Variants in SUCLG2 observed in about 807,000 individuals in gnomAD.
SUCLG2 encodes succinate--CoA ligase [GDP-forming] subunit beta, mitochondrial.
In SUCLG2, 42 loss-of-function variants were observed where a neutral mutation model predicts 47.9. The observed-to-expected ratio is 0.88, with a 90% CI of 0.69 to 1.14. The LOEUF (loss-of-function observed/expected upper bound fraction) is 1.14, where lower values mean the gene tolerates loss of function less well. Among genes scored for constraint, SUCLG2 ranks in the 50% most tolerant of loss-of-function variants. The pLI, the probability that SUCLG2 is intolerant of heterozygous loss-of-function variation, is 0.00. For missense variants in SUCLG2, 571 were observed against 525.9 expected (o/e 1.09, Z -0.84); for synonymous variants, 195 against 197.3 (o/e 0.99, Z 0.10).
chr3:67,519,970 T>G (rs558332826), intron 5 of SUCLG2, among the ~76,000 whole-genome samples: 1 of 152,106 alleles, frequency 6.6e-6, no homozygotes, highest in Non-Finnish European at 1.5e-5. Flanking sequence ...TATCAATAAA[T>G]GAGTCAAGAT....
At chr3:67,606,454 TAAGAA>T (rs1408869338) in intron 2 of SUCLG2, among the ~76,000 whole-genome samples, 3 of 152,188 alleles carry the variant, frequency 2.0e-5, no homozygotes, top group African/African-American at 7.2e-5. Context: ...TCACTGTATT[TAAGAA>T]AATAATGGGG....
rs762913452 is a variant in SUCLG2 at position 67,520,498 on chromosome 3, G to A, written c.554C>T (p.Pro185Leu). ...TAAACATACCTTAAAAATGAGCTCC[G>A]GGTTTGAAGCAGCCACCTCTTCAAT... ...VDIEEVAASNPELIFKEQIDI... is the reference protein window; with the variant it reads ...VDIEEVAASNLELIFKEQIDI... The change falls in exon 5 of 11, where the codon CCG becomes CTG. Residue 185 changes from proline to leucine, a missense_variant. Coordinates refer to ENST00000307227, the MANE Select transcript of SUCLG2 (RefSeq NM_003848.4). 20 of 1,614,022 alleles carry A rather than the reference G, an allele frequency of 1.2e-5. No homozygotes were observed. Among genetic ancestry groups the A allele is most frequent in the East Asian group, 1.1e-4 (5 of 44,870 alleles).
downstream of SUCLG2, among the ~76,000 whole-genome samples, chr3:67,370,511 T>A (rs1701938385): frequency 6.6e-6 from 1 of 152,146 alleles, no homozygotes. Flanking sequence ...ACCCAACCAA[T>A]ACTTTTATTA....
intron 2 of SUCLG2, among the ~76,000 whole-genome samples, chr3:67,550,564 C>T (rs1306102173): frequency 6.6e-6 from 1 of 152,088 alleles, no homozygotes; most frequent in Non-Finnish European, 1.5e-5. Context: ...CCAGGCTGGC[C>T]TCAAACTCCT....
At chr3:67,443,996 A>T (rs1290314885) in intron 9 of SUCLG2, among the ~76,000 whole-genome samples, 1 of 91,162 alleles carries the variant, frequency 1.1e-5, no homozygotes, top group African/African-American at 3.7e-5. Context: ...CAGCCGCCCC[A>T]TCCGGGAGGG....
At chr3:67,622,408 GA>G (rs550696535) in intron 1 of SUCLG2, among the ~76,000 whole-genome samples, 2 of 152,314 alleles carry the variant, frequency 1.3e-5, no homozygotes, top group East Asian at 1.9e-4. Flanking sequence ...TAAAGGGTCA[GA>G]AGGGATCATG....
rs776845710 is a variant in SUCLG2, at chr3:67,454,292, AT to A, written c.1062+41505del. On this transcript the variant is annotated intron_variant, in intron 9 of 10. Transcript: ENST00000307227. ...ATAGAGTAATTGTTGAATAAATAAT[AT>A]GAAAAATTGGTTTGAGATCCAGGAA... Among the ~76,000 whole-genome samples, 421 of 152,286 alleles carry A rather than the reference AT, an allele frequency of 2.8e-3. 2 individuals carry two copies. Among genetic ancestry groups the A allele is most frequent in the Non-Finnish European group, 3.8e-3 (259 of 68,026 alleles).
At chr3:67,532,411 C>G (rs1032211762) in intron 2 of SUCLG2, among the ~76,000 whole-genome samples, 8 of 152,162 alleles carry the variant, frequency 5.3e-5, no homozygotes, top group African/African-American at 1.7e-4. Flanking sequence ...GCTAGGATTA[C>G]AGGCATAAAA....
chr3:67,642,020 G>A (rs905572234), intron 1 of SUCLG2, among the ~76,000 whole-genome samples: 3 of 152,122 alleles, frequency 2.0e-5, no homozygotes, highest in East Asian at 1.9e-4. Flanking sequence ...TTGAATTAGG[G>A]CCCTCCCTAA....
intron 2 of SUCLG2, among the ~76,000 whole-genome samples, chr3:67,569,464 G>A (rs1707553468): frequency 6.6e-6 from 1 of 152,220 alleles, no homozygotes; most frequent in African/African-American, 2.4e-5. Flanking sequence ...CATGGCTGCT[G>A]CCCAAGTGGA....
intron 1 of SUCLG2, among the ~76,000 whole-genome samples, chr3:67,630,567 A>G (rs899804397): frequency 4.6e-5 from 7 of 152,242 alleles, no homozygotes; most frequent in African/African-American, 1.7e-4. Flanking sequence ...TGTGCCAAGC[A>G]CCTTATGTAT....
rs139587406 is a variant in SUCLG2 at position 67,520,429 on chromosome 3, A to G, written c.570+53T>C. 9.7e-4 allele frequency: 1,557 copies of G among 1,611,718 alleles called. 16 individuals carry two copies. In the African/African-American group the frequency reaches 0.019, roughly 20 times the overall value. ...TTAGACTCCCCATTAAATATTTAAC[A>G]GCTTCTACAATAACAATCAATTAAT... is the stretch of plus-strand genomic sequence containing the variant. On this transcript the variant is annotated intron_variant, in intron 5 of 10. Coordinates refer to ENST00000307227, the MANE Select transcript of SUCLG2 (RefSeq NM_003848.4).
At chr3:67,651,906 T>G (rs1352686355) in intron 1 of SUCLG2, among the ~76,000 whole-genome samples, 1 of 152,144 alleles carries the variant, frequency 6.6e-6, no homozygotes, top group East Asian at 1.9e-4. Flanking sequence ...AATCTGTCAT[T>G]GGCTGAAATC....
intron 5 of SUCLG2, among the ~76,000 whole-genome samples, chr3:67,519,279 C>T (rs7624455): frequency 0.68 from 102,961 of 152,036 alleles, 35,107 homozygotes; most frequent in Middle Eastern, 0.76. Context: ...CCAGGGTGGG[C>T]TCTTACCTTG....
At chr3:67,523,026 G>A (rs1575753149) in intron 4 of SUCLG2, among the ~76,000 whole-genome samples, 1 of 152,124 alleles carries the variant, frequency 6.6e-6, no homozygotes, top group East Asian at 1.9e-4. Flanking sequence ...CTGACCTCGT[G>A]ATTCGCCCAC....
chr3:67,481,406 C>T (rs760685201), intron 9 of SUCLG2, among the ~76,000 whole-genome samples: 5 of 152,176 alleles, frequency 3.3e-5, no homozygotes, highest in East Asian at 3.9e-4. Flanking sequence ...AGCTGTATTC[C>T]GGTACAACTT....
intron 9 of SUCLG2, chr3:67,408,974 G>A (rs550519314): frequency 6.5e-7 from 1 of 1,535,234 alleles, no homozygotes; most frequent in Admixed American, 2.0e-5. Context: ...CAAGCTTCAA[G>A]AACGTGCTTC....
At chr3:67,476,817 G>C (rs917874429) in intron 9 of SUCLG2, among the ~76,000 whole-genome samples, 3 of 152,148 alleles carry the variant, frequency 2.0e-5, no homozygotes, top group Admixed American at 1.3e-4. Context: ...TAATTCCAGA[G>C]ACTGCAGCAG....
intron 9 of SUCLG2, among the ~76,000 whole-genome samples, chr3:67,473,686 A>G (rs1704662060): frequency 6.6e-6 from 1 of 152,180 alleles, no homozygotes; most frequent in Admixed American, 6.5e-5. Context: ...TTTGGAAAAG[A>G]CTTAAGGCTG....
Sources: gnomAD v4.1 joint callset for allele counts (sites outside exome capture counted in the v4.1 genomes callset) on GRCh38, gnomAD v4.1.1 for gene constraint, MANE v1.5 for transcripts, NCBI Gene and HGNC (gene_info 2026-07-23, HGNC 2026-07-21) for gene names.